Variants in FNDC3B observed in about 807,000 individuals in gnomAD.
FNDC3B encodes fibronectin type III domain containing 3B.
In FNDC3B, 12 loss-of-function variants were observed where a neutral mutation model predicts 151.5. The ratio of observed to expected loss-of-function variants is 0.08; its 90% CI spans 0.05 to 0.13. The LOEUF (loss-of-function observed/expected upper bound fraction) is 0.13. FNDC3B is among the 10% of genes least tolerant of loss of function. The pLI is 1.00. For synonymous variants in FNDC3B, 528 were observed against 549.0 expected (o/e 0.96, Z 0.54); for missense variants, 1,214 against 1,505.3 (o/e 0.81, Z 3.20).
At chr3:172,308,619 G>A (rs1404524688) in intron 10 of FNDC3B, among the ~76,000 whole-genome samples, 1 of 152,176 alleles carries the variant, frequency 6.6e-6, no homozygotes, top group Admixed American at 6.5e-5. Flanking sequence ...ATCCCTCTTA[G>A]GTGGGCAGCT....
At position 172,186,836 on chromosome 3, in the gene FNDC3B, G is replaced by A. The variant is rs1724212265; in HGVS notation, c.188-40035G>A. The A allele has an allele frequency of 6.0e-6, 4 of 666,358 alleles. No individual in the cohort carries two copies. The Admixed American group carries it at 6.8e-5, about 11-fold the overall frequency. 41.3% of individuals were successfully genotyped at this position (666,358 alleles called of 1,614,324 possible). A position where few individuals can be genotyped will look rare whatever the true frequency, so the allele number is the denominator to read the frequency against. On this transcript the variant is annotated intron_variant, in intron 3 of 25. Coordinates refer to ENST00000415807, the MANE Select transcript of FNDC3B (RefSeq NM_022763.4). ...ATTTCTTCATTACGAGCACTTCGCG[G>A]TGTGGCTTTTCAATGTCTGAAGTGG...
intron 1 of FNDC3B, among the ~76,000 whole-genome samples, chr3:172,061,018 G>A (rs145133110): frequency 1.4e-3 from 214 of 152,284 alleles, no homozygotes; most frequent in African/African-American, 5.0e-3. Context: ...ATAAAGGTTT[G>A]AGGAAAATGA....
chr3:172,217,508 G>T (rs1293407193), intron 3 of FNDC3B, among the ~76,000 whole-genome samples: 1 of 152,118 alleles, frequency 6.6e-6, no homozygotes, highest in Admixed American at 6.5e-5. Flanking sequence ...GCAGTAGTTT[G>T]TTGTTTATGT....
chr3:172,400,760 CT>C lies in FNDC3B; in HGVS notation c.*3300del, dbSNP rs11359824. ...TTGTTGTTGTTGTTGTTGTTTCTTT[CT>C]TTTTTTTTTTTTTTGAGACGGAGTC... On this transcript the variant is annotated 3_prime_UTR_variant, in exon 26 of 26. Transcript: ENST00000415807. The C allele has an allele frequency of 0.5, 66,698 of 134,442 alleles. 17,145 individuals are homozygous for C. Among genetic ancestry groups the C allele is most frequent in the Non-Finnish European group, 0.6 (37,557 of 62,086 alleles). 8.3% of individuals were successfully genotyped at this position (134,442 alleles called of 1,614,324 possible).
intron 3 of FNDC3B, among the ~76,000 whole-genome samples, chr3:172,217,956 T>A (rs1377993864): frequency 6.6e-6 from 1 of 152,074 alleles, no homozygotes. Flanking sequence ...AACAATTCTA[T>A]CAGCAACTCA....
At chr3:172,090,355 G>A (rs1447259624) in intron 1 of FNDC3B, among the ~76,000 whole-genome samples, 2 of 152,110 alleles carry the variant, frequency 1.3e-5, no homozygotes, top group Non-Finnish European at 2.9e-5. Context: ...TCTCAACTCT[G>A]CACTCTAGGC....
At chr3:172,210,510 T>A (rs1725682630) in intron 3 of FNDC3B, among the ~76,000 whole-genome samples, 1 of 152,128 alleles carries the variant, frequency 6.6e-6, no homozygotes, top group Non-Finnish European at 1.5e-5. Flanking sequence ...TCTGGCTAAT[T>A]TTTTATTTTT....
chr3:172,313,086 C>G (rs1731601250), intron 11 of FNDC3B, among the ~76,000 whole-genome samples: 1 of 152,100 alleles, frequency 6.6e-6, no homozygotes, highest in African/African-American at 2.4e-5. Context: ...TTTTTCTCTC[C>G]CACCTTCAAA....
intron 1 of FNDC3B, among the ~76,000 whole-genome samples, chr3:172,066,199 A>G (rs1273708116): frequency 1.3e-5 from 2 of 152,182 alleles, no homozygotes; most frequent in Admixed American, 6.5e-5. Context: ...TGTGGTTGCT[A>G]GGGGTAATGA....
chr3:172,060,800 G>A (rs1337368319), intron 1 of FNDC3B, among the ~76,000 whole-genome samples: 1 of 152,244 alleles, frequency 6.6e-6, no homozygotes, highest in Non-Finnish European at 1.5e-5. Flanking sequence ...GAGATGCCAT[G>A]TGTTTGAACC....
chr3:172,389,414 T>G (rs562215981), intron 25 of FNDC3B, among the ~76,000 whole-genome samples: 1 of 152,222 alleles, frequency 6.6e-6, no homozygotes, highest in African/African-American at 2.4e-5. Context: ...AGAGCCAAGG[T>G]AGACAAGCTA....
intron 3 of FNDC3B, among the ~76,000 whole-genome samples, chr3:172,180,117 C>T (rs914480096): frequency 6.6e-5 from 10 of 152,150 alleles, no homozygotes; most frequent in African/African-American, 1.9e-4. Flanking sequence ...AGTGGGGTCA[C>T]TGGCAAAGCA....
chr3:172,209,617 ATCCGAAAGGC>A, intron 3 of FNDC3B, among the ~76,000 whole-genome samples: 1 of 152,296 alleles, frequency 6.6e-6, no homozygotes, highest in South Asian at 2.1e-4. Context: ...CCATCCGATT[ATCCGAAAGGC>A]ATCAAGGAAG....
intron 11 of FNDC3B, among the ~76,000 whole-genome samples, chr3:172,327,264 T>G (rs1560079889): frequency 6.6e-6 from 1 of 152,088 alleles, no homozygotes; most frequent in Non-Finnish European, 1.5e-5. Context: ...CCTTGAACCC[T>G]TGATAAAATG....
intron 12 of FNDC3B, 47 bp from the exon 13 acceptor site, chr3:172,330,494 C>G (rs372701592): frequency 2.0e-5 from 31 of 1,525,356 alleles, no homozygotes; most frequent in South Asian, 3.7e-5. Flanking sequence ...AAATGCCAAG[C>G]CTCTTCACAT....
At chr3:172,105,109 TAA>T (rs1444045008) in intron 1 of FNDC3B, among the ~76,000 whole-genome samples, 2 of 152,230 alleles carry the variant, frequency 1.3e-5, no homozygotes, top group Non-Finnish European at 2.9e-5. Context: ...CTCTCTTTTC[TAA>T]GTTTTGCTAA....
intron 1 of FNDC3B, among the ~76,000 whole-genome samples, chr3:172,041,303 T>C (rs1716035310): frequency 2.0e-5 from 3 of 152,310 alleles, no homozygotes; most frequent in African/African-American, 7.2e-5. Context: ...TTTCCTTCAG[T>C]TTCCAGGCCT....
chr3:172,043,626 T>G (rs1716206135), intron 1 of FNDC3B, among the ~76,000 whole-genome samples: 1 of 152,204 alleles, frequency 6.6e-6, no homozygotes, highest in Non-Finnish European at 1.5e-5. Flanking sequence ...ATATCAGAAG[T>G]TACATTCAGC....
chr3:172,063,949 T>C (rs949445130), intron 1 of FNDC3B, among the ~76,000 whole-genome samples: 1 of 151,882 alleles, frequency 6.6e-6, no homozygotes, highest in African/African-American at 2.4e-5. Flanking sequence ...ATCATGAGGG[T>C]GGATCCCTCA....
Sources: allele counts gnomAD v4.1 joint callset (sites outside exome capture counted in the v4.1 genomes callset), GRCh38; gene constraint gnomAD v4.1.1; transcripts MANE v1.5; gene names NCBI Gene and HGNC (gene_info 2026-07-23, HGNC 2026-07-21).